CACNB2: variants seen among roughly 807,000 people sequenced by gnomAD.
CACNB2 encodes the protein calcium voltage-gated channel auxiliary subunit beta 2, also known as voltage-dependent L-type calcium channel subunit beta-2.
CACNB2 carries 42 observed loss-of-function variants against 73.3 expected under a neutral mutation model. The ratio of observed to expected loss-of-function variants is 0.57; its 90% confidence interval spans 0.45 to 0.74. CACNB2 has a LOEUF of 0.74. Ranked by LOEUF, CACNB2 falls within the 30% of genes least tolerant of loss-of-function variation. The probability of loss-of-function intolerance (pLI) is 0.00; values close to 1 mark genes in which losing one functional copy is unlikely to be tolerated. For synonymous variants in CACNB2, 348 were observed against 310.3 expected (o/e 1.12, Z -1.28); for missense variants, 940 against 853.0 (o/e 1.10, Z -1.27).
At chr10:18,206,620 T>C (rs911468853) in intron 2 of CACNB2, 2 of 152,284 alleles carry the variant, frequency 1.3e-5, no homozygotes, top group Non-Finnish European at 2.9e-5. Flanking sequence ...AGACGCAGGC[T>C]GCGTCCATGT....
At chr10:18,348,010 G>A (rs1216833840) in intron 2 of CACNB2, among the ~76,000 whole-genome samples, 3 of 152,100 alleles carry the variant, frequency 2.0e-5, no homozygotes, top group African/African-American at 4.8e-5. Context: ...TAAAAAACGT[G>A]TATATCCACC....
intron 2 of CACNB2, among the ~76,000 whole-genome samples, chr10:18,224,078 G>A (rs1406267339): frequency 6.6e-6 from 1 of 151,618 alleles, no homozygotes; most frequent in Non-Finnish European, 1.5e-5. Flanking sequence ...CTTTTAGGTG[G>A]CCCTAGAGAT....
At chr10:18,177,266 C>A (rs1230720945) in intron 2 of CACNB2, among the ~76,000 whole-genome samples, 1 of 151,960 alleles carries the variant, frequency 6.6e-6, no homozygotes, top group African/African-American at 2.4e-5. Flanking sequence ...CAAACACGTG[C>A]CTCAGTAGGA....
chr10:18,195,817 G>A (rs1346687862), intron 2 of CACNB2, among the ~76,000 whole-genome samples: 6 of 152,196 alleles, frequency 3.9e-5, no homozygotes, highest in South Asian at 2.1e-4. Flanking sequence ...AAAAGCTGTC[G>A]CTTTCTGTGT....
intron 2 of CACNB2, among the ~76,000 whole-genome samples, chr10:18,306,807 AC>A (rs1554789470): frequency 6.6e-6 from 1 of 152,146 alleles, no homozygotes; most frequent in Non-Finnish European, 1.5e-5. Context: ...AGGTTAATGG[AC>A]TGAAGACACT....
At chr10:18,195,090 G>C (rs1482153205) in intron 2 of CACNB2, among the ~76,000 whole-genome samples, 2 of 152,148 alleles carry the variant, frequency 1.3e-5, no homozygotes, top group East Asian at 1.9e-4. Flanking sequence ...TAAATATCCA[G>C]CTACTGCAAA....
chr10:18,401,318 C>A (rs1368283002), intron 2 of CACNB2, among the ~76,000 whole-genome samples: 1 of 152,206 alleles, frequency 6.6e-6, no homozygotes, highest in African/African-American at 2.4e-5. Context: ...TTTCTGTAGA[C>A]GGCTTTTTAT....
chr10:18,452,529 A>G (rs1192988442), intron 3 of CACNB2, among the ~76,000 whole-genome samples: 3 of 152,260 alleles, frequency 2.0e-5, no homozygotes, highest in African/African-American at 7.2e-5. Context: ...AATAAAGGTT[A>G]TCAAGGTTGA....
At chr10:18,398,480 G>A (rs2043822216) in intron 2 of CACNB2, among the ~76,000 whole-genome samples, 1 of 152,014 alleles carries the variant, frequency 6.6e-6, no homozygotes, top group African/African-American at 2.4e-5. Flanking sequence ...GCCAGCCTGG[G>A]CAACATAGTG....
chr10:18,492,503 C>A (rs1023695797), intron 3 of CACNB2, among the ~76,000 whole-genome samples: 4 of 151,666 alleles, frequency 2.6e-5, no homozygotes, highest in African/African-American at 9.7e-5. Context: ...CGCCTGTAGT[C>A]CCAACTACTT....
chr10:18,264,497 T>A (rs2037700125), intron 2 of CACNB2, among the ~76,000 whole-genome samples: 1 of 152,068 alleles, frequency 6.6e-6, no homozygotes, highest in South Asian at 2.1e-4. Flanking sequence ...TGAGCAACCT[T>A]CTCCTCCCTT....
chr10:18,203,344 C>G (rs1454825627), intron 2 of CACNB2, among the ~76,000 whole-genome samples: 1 of 152,138 alleles, frequency 6.6e-6, no homozygotes, highest in Non-Finnish European at 1.5e-5. Flanking sequence ...AGTGACCCCT[C>G]TATCTGAAAA....
At position 18,442,944 on chromosome 10, in the gene CACNB2, G is replaced by GTA. The variant is rs1426367265; in HGVS notation, c.333+40913_333+40914dup. ...TATATATGTATATATATATATATGT[G>GTA]TATATATATATATGTATATATATAT... On this transcript the variant is annotated intron_variant, in intron 3 of 13. Coordinates refer to ENST00000324631, the MANE Select transcript of CACNB2 (RefSeq NM_201596.3). 4.6e-4 allele frequency among the ~76,000 whole-genome samples: 9 copies of GTA among 19,646 alleles called. 1 individual carries two copies. The South Asian group carries it at 0.01, about 22-fold the overall frequency. 12.9% of individuals were successfully genotyped at this position (19,646 alleles called of 152,430 possible).
At chr10:18,321,687 T>G (rs2040403140) in intron 2 of CACNB2, among the ~76,000 whole-genome samples, 1 of 152,198 alleles carries the variant, frequency 6.6e-6, no homozygotes, top group African/African-American at 2.4e-5. Context: ...AAACTTTTTT[T>G]TTAAAGGAGA....
Position 18,140,821 on chromosome 10 carries a change from G to A in CACNB2, c.85G>A (p.Val29Met), listed in dbSNP as rs750972281. 33 of 1,604,210 alleles carry A rather than the reference G, an allele frequency of 2.1e-5. No homozygotes were observed. Among genetic ancestry groups the A allele is most frequent in the Non-Finnish European group, 2.5e-5 (30 of 1,176,970 alleles). The change falls in exon 1 of 14, where the codon GTG (valine) becomes ATG (methionine). Residue 29 changes from valine to methionine, a missense_variant. Physicochemically the swap from Val to Met is conservative, Grantham distance 21 (BLOSUM62 1). Transcript: ENST00000324631. ...QEIQMELLEN[V>M]APAGALGAAA... ...GATCCAGATGGAACTGCTAGAGAAC[G>A]TGGCTCCCGCGGGGGCGCTCGGAGC...
intron 2 of CACNB2, among the ~76,000 whole-genome samples, chr10:18,163,872 G>C (rs774868288): frequency 5.3e-5 from 8 of 152,174 alleles, no homozygotes; most frequent in Non-Finnish European, 1.0e-4. Context: ...TTGGTTGACT[G>C]TGTAATCTAC....
intron 2 of CACNB2, among the ~76,000 whole-genome samples, chr10:18,227,440 A>T (rs117967843): frequency 6.6e-6 from 1 of 152,302 alleles, no homozygotes; most frequent in Non-Finnish European, 1.5e-5. Flanking sequence ...GAATGAACTG[A>T]TGGATGGAAG....
intron 6 of CACNB2, 32 bp downstream of exon 6, chr10:18,506,579 A>G (rs753229748): frequency 7.8e-7 from 1 of 1,277,074 alleles, no homozygotes; most frequent in Non-Finnish European, 1.1e-6. Context: ...AATAATACAT[A>G]CTGCATTTCA....
chr10:18,346,286 C>T (rs921079725), intron 2 of CACNB2, among the ~76,000 whole-genome samples: 4 of 151,968 alleles, frequency 2.6e-5, no homozygotes, highest in African/African-American at 9.7e-5. Flanking sequence ...ATTACAGGTG[C>T]CCGCCACCAC....
Sources: allele counts gnomAD v4.1 joint callset (sites outside exome capture counted in the v4.1 genomes callset), GRCh38; gene constraint gnomAD v4.1.1; transcripts MANE v1.5; gene names NCBI Gene and HGNC (gene_info 2026-07-23, HGNC 2026-07-21).